SMYD3: variants seen among roughly 807,000 people sequenced by gnomAD.
SMYD3 encodes the protein histone-lysine N-methyltransferase SMYD3.
A neutral mutation model predicts 57.7 loss-of-function variants in SMYD3; 36 were observed. The ratio of observed to expected loss-of-function variants is 0.62; its 90% confidence interval spans 0.48 to 0.82. The LOEUF is 0.82. SMYD3 is among the 40% of genes least tolerant of loss of function. The pLI, the probability that SMYD3 is intolerant of heterozygous loss-of-function variation, is 0.00. For synonymous variants in SMYD3, 211 were observed against 195.0 expected (o/e 1.08, Z -0.68); for missense variants, 515 against 538.8 (o/e 0.96, Z 0.44).
At chr1:245,962,137 A>AT in intron 5 of SMYD3, among the ~76,000 whole-genome samples, 1 of 152,294 alleles carries the variant, frequency 6.6e-6, no homozygotes, top group South Asian at 2.1e-4. Context: ...GTTTCCCACC[A>AT]TTTGACTGGA....
chr1:246,277,376 C>T (rs890113321), intron 5 of SMYD3, among the ~76,000 whole-genome samples: 6 of 152,092 alleles, frequency 3.9e-5, no homozygotes, highest in African/African-American at 7.2e-5. Context: ...GGTGAAGGTG[C>T]GGAGCAACTG....
intron 5 of SMYD3, among the ~76,000 whole-genome samples, chr1:246,185,732 T>C (rs898108029): frequency 4.6e-5 from 7 of 152,180 alleles, no homozygotes; most frequent in African/African-American, 1.7e-4. Flanking sequence ...AGTGCTGGGA[T>C]TACAGGCATG....
intron 5 of SMYD3, among the ~76,000 whole-genome samples, chr1:246,155,024 G>A (rs1203013206): frequency 5.9e-5 from 9 of 151,862 alleles, no homozygotes; most frequent in Admixed American, 5.9e-4. Context: ...CTTGTGATCT[G>A]CCCGCCTCGG....
chr1:246,396,730 C>T (rs552663421), intron 1 of SMYD3, among the ~76,000 whole-genome samples: 4 of 152,306 alleles, frequency 2.6e-5, no homozygotes, highest in South Asian at 2.1e-4. Context: ...CTCACGAGAC[C>T]TGGTTGTTCT....
At chr1:246,392,835 A>G (rs1298557982) in intron 1 of SMYD3, among the ~76,000 whole-genome samples, 2 of 152,100 alleles carry the variant, frequency 1.3e-5, no homozygotes, top group African/African-American at 4.8e-5. Flanking sequence ...TAGAATAAAG[A>G]AACATTTCAC....
Position 245,858,698 on chromosome 1 carries a change from T to C in SMYD3, c.902-28A>G, listed in dbSNP as rs774236199. On this transcript the variant is annotated intron_variant, in intron 9 of 11. Transcript: ENST00000490107. ...GTTATTAACCTTAGTTAAGGATTCA[T>C]TGTCTTCATCAAGAAAAAAACAAAC... The C allele has an allele frequency of 3.8e-6, 6 of 1,599,150 alleles. No individual in the cohort carries two copies. In the East Asian group the frequency reaches 6.7e-5, roughly 18 times the overall value.
In SMYD3 at chr1:245,764,102, T is replaced by G. The variant is rs746640710; in HGVS notation, c.1124A>C (p.Lys375Thr). 1 of 1,614,084 alleles carries G rather than the reference T, an allele frequency of 6.2e-7. No individual in the cohort carries two copies. Among genetic ancestry groups the G allele is most frequent in the Non-Finnish European group, 8.5e-7 (1 of 1,180,002 alleles). The change falls in exon 11 of 12, where the codon AAA (lysine) becomes ACA (threonine). Residue 375 changes from lysine (K) to threonine (T), a missense_variant. Coordinates refer to ENST00000490107, the MANE Select transcript of SMYD3 (RefSeq NM_001167740.2). ...TTGATGTAGCTGCAGTTTGCCAACT[T>G]TCATCACTTGAACCCCTCTGACGGG... ...SHPVRGVQVM[K>T]VGKLQLHQGM...
At chr1:245,966,704 C>G (rs765210755) in intron 5 of SMYD3, among the ~76,000 whole-genome samples, 1 of 152,092 alleles carries the variant, frequency 6.6e-6, no homozygotes, top group Non-Finnish European at 1.5e-5. Context: ...CAGATCATCT[C>G]GAGTCCTTAT....
chr1:246,353,287 G>A (rs566188482), intron 2 of SMYD3, among the ~76,000 whole-genome samples: 23 of 152,250 alleles, frequency 1.5e-4, no homozygotes, highest in East Asian at 1.4e-3. Context: ...CAGCACTTTG[G>A]GAGGCCAAAG....
intron 8 of SMYD3, among the ~76,000 whole-genome samples, chr1:245,865,937 G>C (rs1371098324): frequency 1.3e-5 from 2 of 152,160 alleles, no homozygotes; most frequent in Admixed American, 6.5e-5. Flanking sequence ...ACTTTCAACG[G>C]GTGTCAGAGA....
chr1:246,468,388 C>A (rs1373578062), intron 1 of SMYD3, among the ~76,000 whole-genome samples: 2 of 151,746 alleles, frequency 1.3e-5, no homozygotes, highest in African/African-American at 2.4e-5. Flanking sequence ...CATCTGTAAT[C>A]CCAGAACTCT....
At chr1:246,461,935 CAGTTTAGAA>C (rs1271861995) in intron 1 of SMYD3, among the ~76,000 whole-genome samples, 2 of 152,076 alleles carry the variant, frequency 1.3e-5, no homozygotes, top group African/African-American at 4.8e-5. Flanking sequence ...AAGGTACTCA[CAGTTTAGAA>C]AAGGAACAAA....
intron 5 of SMYD3, among the ~76,000 whole-genome samples, chr1:246,018,438 G>A (rs917758621): frequency 1.3e-5 from 2 of 152,092 alleles, no homozygotes; most frequent in Non-Finnish European, 2.9e-5. Flanking sequence ...AACTTGCTCT[G>A]CCTCATCTCA....
chr1:246,165,274 G>A (rs2062188468), intron 5 of SMYD3, among the ~76,000 whole-genome samples: 1 of 152,198 alleles, frequency 6.6e-6, no homozygotes, highest in Admixed American at 6.5e-5. Flanking sequence ...AATAATTTCA[G>A]TTGTAATTGT....
chr1:246,363,691 G>C (rs1329255849), intron 1 of SMYD3, among the ~76,000 whole-genome samples: 1 of 152,142 alleles, frequency 6.6e-6, no homozygotes, highest in Non-Finnish European at 1.5e-5. Flanking sequence ...GGCTGTGCAA[G>C]ATGTGCTTTG....
At chr1:246,190,294 A>T (rs976495581) in intron 5 of SMYD3, among the ~76,000 whole-genome samples, 9 of 152,194 alleles carry the variant, frequency 5.9e-5, no homozygotes, top group African/African-American at 2.2e-4. Flanking sequence ...TCAGCATTAG[A>T]AAGCATGGGA....
At chr1:246,038,790 G>A (rs1032098595) in intron 5 of SMYD3, among the ~76,000 whole-genome samples, 20 of 152,228 alleles carry the variant, frequency 1.3e-4, no homozygotes, top group African/African-American at 4.8e-4. Context: ...GTGCTCCAGG[G>A]TCTAAAGGCT....
intron 8 of SMYD3, among the ~76,000 whole-genome samples, chr1:245,886,752 T>C (rs1185768682): frequency 6.6e-6 from 1 of 152,136 alleles, no homozygotes; most frequent in Non-Finnish European, 1.5e-5. Context: ...CTTCATGCAA[T>C]CATTTCTGAC....
chr1:246,326,002 T>C (rs2065343320), intron 5 of SMYD3: 1 of 166,204 alleles, frequency 6.0e-6, no homozygotes, highest in South Asian at 1.9e-4. Flanking sequence ...TTTTAAATTA[T>C]AGATAACCAG....
Sources: allele counts gnomAD v4.1 joint callset (sites outside exome capture counted in the v4.1 genomes callset), GRCh38; gene constraint gnomAD v4.1.1; transcripts MANE v1.5; gene names NCBI Gene and HGNC (gene_info 2026-07-23, HGNC 2026-07-21).